The following SNAP29 variants were observed in gnomAD, a reference collection of about 807,000 sequenced individuals.
The protein encoded by SNAP29 is synaptosome associated protein 29.
Under a neutral mutation model 27.9 loss-of-function variants are expected in SNAP29, and 13 were observed. The observed-to-expected ratio is 0.47, with a 90% CI of 0.30 to 0.74. The LOEUF is 0.74. Among genes scored for constraint, SNAP29 ranks in the 30% least tolerant of loss-of-function variants. SNAP29 has a pLI of 0.06. For missense variants in SNAP29, 368 were observed against 336.5 expected (o/e 1.09, Z -0.73); for synonymous variants, 119 against 127.1 (o/e 0.94, Z 0.43).
In SNAP29 at chr22:20,883,476, G is replaced by C. The variant is rs1928936859; in HGVS notation, c.526G>C (p.Val176Leu). 1 of 1,608,212 alleles carries C rather than the reference G, an allele frequency of 6.2e-7. No individual in the cohort carries two copies. The highest frequency in any genetic ancestry group is 8.5e-7 in the Non-Finnish European group (1 of 1,174,874). The change falls in exon 4 of 5, where the codon GTC becomes CTC. Residue 176 changes from valine to leucine, a missense_variant. Val to Leu is a conservative substitution (Grantham distance 32, BLOSUM62 1). Coordinates refer to ENST00000215730, the MANE Select transcript of SNAP29 (RefSeq NM_004782.4). ...GTGTTTCCTTCTAAACTTAGACCCT[G>C]TCCCCAGAGGGGCTGGTTCTGCCAT... ...NLRKLDDTDP[V>L]PRGAGSAMST...
intron 1 of SNAP29, among the ~76,000 whole-genome samples, chr22:20,865,773 A>G (rs546952148): frequency 6.6e-6 from 1 of 152,228 alleles, no homozygotes; most frequent in Non-Finnish European, 1.5e-5. Context: ...GAAACCAGGC[A>G]CAAGCTTCCA....
In SNAP29 at chr22:20,883,478, C is replaced by T. The variant is rs781756083; in HGVS notation, c.528C>T (p.Val176=). 10 of 1,609,214 alleles carry T rather than the reference C, an allele frequency of 6.2e-6. No homozygotes were observed. The South Asian group carries it at 1.1e-4, about 18-fold the overall frequency. ...NLRKLDDTDP[V]PRGAGSAMST... is the part of the protein sequence containing the mutation. ...GTTTCCTTCTAAACTTAGACCCTGT[C>T]CCCAGAGGGGCTGGTTCTGCCATGA... is the stretch of plus-strand genomic sequence containing the variant. Residue 176 remains valine, a synonymous_variant, in exon 4 of 5, where the codon GTC becomes GTT. Coordinates refer to ENST00000215730, the MANE Select transcript of SNAP29 (RefSeq NM_004782.4).
intron 2 of SNAP29, 77 bp downstream of exon 2, chr22:20,870,610 A>G (rs1928569136): frequency 2.2e-6 from 3 of 1,346,772 alleles, no homozygotes; most frequent in Non-Finnish European, 3.1e-6. Flanking sequence ...CTTTCAGTCC[A>G]CGTCAGTGCC....
At chr22:20,870,804 C>G (rs1331776152) in intron 2 of SNAP29, 1 of 528,312 alleles carries the variant, frequency 1.9e-6, no homozygotes, top group Non-Finnish European at 3.4e-6. Context: ...TCAGCGTAAT[C>G]TGTACAAATG....
chr22:20,883,122 C>T (rs1928926638), intron 3 of SNAP29, among the ~76,000 whole-genome samples: 1 of 151,774 alleles, frequency 6.6e-6, no homozygotes. Flanking sequence ...TATACTTTGT[C>T]CACAGACTGT....
rs1383689449 is a variant in SNAP29, at chr22:20,888,856, T to A, written c.*1020T>A. Reference sequence around the variant, plus strand: ...CAAGGTAACTTGAATCATCACTTATTTCTCTGCCACCTGGTTTTAGGACTG... The same window carrying A: ...CAAGGTAACTTGAATCATCACTTATATCTCTGCCACCTGGTTTTAGGACTG... On this transcript the variant is annotated 3_prime_UTR_variant, in exon 5 of 5. Coordinates refer to ENST00000215730, the MANE Select transcript of SNAP29 (RefSeq NM_004782.4). 1 of 152,212 alleles carries A rather than the reference T, an allele frequency of 6.6e-6. No homozygotes were observed. Among genetic ancestry groups the A allele is most frequent in the Non-Finnish European group, 1.5e-5 (1 of 68,054 alleles). The allele number at this position is 152,212 out of a possible 1,614,324, so 9.4% of individuals were successfully genotyped here. A position where few individuals can be genotyped will look rare whatever the true frequency, so the allele number is the denominator to read the frequency against.
chr22:20,865,392 A>G (rs565975653), intron 1 of SNAP29, among the ~76,000 whole-genome samples: 1 of 151,980 alleles, frequency 6.6e-6, no homozygotes, highest in East Asian at 1.9e-4. Context: ...TCCCAGGCCA[A>G]TTTGCTGGCT....
rs1157097082 is a variant in SNAP29, at chr22:20,881,136, T to C, written c.520+2T>C. 6.3e-7 allele frequency: 1 copy of C among 1,597,310 alleles called. No individual in the cohort carries two copies. Among genetic ancestry groups the C allele is most frequent in the Non-Finnish European group, 8.6e-7 (1 of 1,164,746 alleles). On this transcript the variant is annotated splice_donor_variant, in intron 3 of 4. Coordinates refer to ENST00000215730, the MANE Select transcript of SNAP29 (RefSeq NM_004782.4). LOFTEE classifies it high-confidence loss of function. ...ACCTTAGAAAGCTGGATGATACAGG[T>C]AAGTGGATACCTGTGTGCACAGCCA...
chr22:20,861,704 C>A (rs1295276445), intron 1 of SNAP29, among the ~76,000 whole-genome samples: 1 of 152,098 alleles, frequency 6.6e-6, no homozygotes, highest in Non-Finnish European at 1.5e-5. Context: ...GGCGCGATCT[C>A]AGCTCACTGC....
intron 1 of SNAP29, among the ~76,000 whole-genome samples, chr22:20,865,294 G>A (rs1217364109): frequency 6.6e-6 from 1 of 152,130 alleles, no homozygotes; most frequent in Non-Finnish European, 1.5e-5. Flanking sequence ...GGTCAAGGCT[G>A]CAGTGAGCTG....
intron 1 of SNAP29, among the ~76,000 whole-genome samples, chr22:20,868,980 C>G (rs1928523254): frequency 6.6e-6 from 1 of 152,176 alleles, no homozygotes; most frequent in Non-Finnish European, 1.5e-5. Context: ...AAGTCCCTGC[C>G]TCGTGGAGCT....
intron 2 of SNAP29, among the ~76,000 whole-genome samples, chr22:20,878,981 A>G (rs1928816423): frequency 6.6e-6 from 1 of 152,172 alleles, no homozygotes; most frequent in Admixed American, 6.5e-5. Context: ...AAAAAAACAT[A>G]CTTTCACAAC....
chr22:20,869,774 C>T (rs1928541495), intron 1 of SNAP29, among the ~76,000 whole-genome samples: 1 of 152,032 alleles, frequency 6.6e-6, no homozygotes, highest in South Asian at 2.1e-4. Flanking sequence ...CATCCATCTC[C>T]CCTCACCCCC....
intron 1 of SNAP29, among the ~76,000 whole-genome samples, chr22:20,863,290 C>G (rs997365252): frequency 7.1e-6 from 1 of 141,702 alleles, no homozygotes; most frequent in Non-Finnish European, 1.5e-5. Flanking sequence ...TTCCAGCATA[C>G]CCTGCTAATC....
rs1420777105 is a variant in SNAP29 at position 20,891,073 on chromosome 22, T to A, written c.*3237T>A. 1 of 152,088 alleles carries A rather than the reference T, an allele frequency of 6.6e-6. No homozygotes were observed. Among genetic ancestry groups the A allele is most frequent in the Non-Finnish European group, 1.5e-5 (1 of 68,022 alleles). The allele number at this position is 152,088 out of a possible 1,614,324, so 9.4% of individuals were successfully genotyped here. On this transcript the variant is annotated 3_prime_UTR_variant, in exon 5 of 5. Transcript: ENST00000215730. ...TCAAAAAATAAAAAATAGTGCACTGTCCTTCGAGAAAGTTTTCTAACATCT... is the reference window on the plus strand; with the variant it reads ...TCAAAAAATAAAAAATAGTGCACTGACCTTCGAGAAAGTTTTCTAACATCT...
chr22:20,890,346 A>G lies in SNAP29; in HGVS notation c.*2510A>G. Reference sequence around the variant, plus strand: ...GTGCCAGGGCTGGGCTGACTGTGGGATGGGATTTGGTACTGCAGACAGATT... The same window carrying G: ...GTGCCAGGGCTGGGCTGACTGTGGGGTGGGATTTGGTACTGCAGACAGATT... On this transcript the variant is annotated 3_prime_UTR_variant, in exon 5 of 5. Coordinates refer to ENST00000215730, the MANE Select transcript of SNAP29 (RefSeq NM_004782.4). 1 of 398,590 alleles carries G rather than the reference A, an allele frequency of 2.5e-6. No individual in the cohort carries two copies. The highest frequency in any genetic ancestry group is 4.4e-5 in the Admixed American group (1 of 22,718). The allele number at this position is 398,590 out of a possible 1,614,324, so 24.7% of individuals were successfully genotyped here.
rs755362062 is a variant in SNAP29 at position 20,859,247 on chromosome 22, G to T, written c.137G>T (p.Arg46Leu). The T allele has an allele frequency of 6.2e-7, 1 of 1,604,716 alleles. No individual in the cohort carries two copies. Among genetic ancestry groups the T allele is most frequent in the Admixed American group, 1.7e-5 (1 of 58,078 alleles). The change falls in exon 1 of 5, where the codon CGG becomes CTG. Residue 46 changes from arginine to leucine, a missense_variant. By Grantham distance (102) the Arg-to-Leu change is moderately radical. Coordinates refer to ENST00000215730, the MANE Select transcript of SNAP29 (RefSeq NM_004782.4). The stretch of plus-strand genomic sequence containing the variant: ...CCCGCGGACAGGCAGCAGTACTTGC[G>T]GCAGGAGGTCCTCCGCAGGGCTGAG... ...DAPADRQQYLRQEVLRRAEAT... is the reference protein window; with the variant it reads ...DAPADRQQYLLQEVLRRAEAT...
intron 2 of SNAP29, among the ~76,000 whole-genome samples, chr22:20,879,851 T>TAAA (rs361542): frequency 1.0e-5 from 1 of 98,070 alleles, no homozygotes. Context: ...TGAAAAAATT[T>TAAA]AAAAAAAAAA....
intron 1 of SNAP29, among the ~76,000 whole-genome samples, chr22:20,860,614 G>T (rs1420302658): frequency 1.3e-5 from 2 of 151,886 alleles, no homozygotes; most frequent in Non-Finnish European, 2.9e-5. Flanking sequence ...CAGGCAGTCC[G>T]CCCGCTTTGG....
Sources: allele counts gnomAD v4.1 joint callset (sites outside exome capture counted in the v4.1 genomes callset), GRCh38; gene constraint gnomAD v4.1.1; transcripts MANE v1.5; gene names NCBI Gene and HGNC (gene_info 2026-07-23, HGNC 2026-07-21).